The following PTPRF variants were observed in gnomAD, a reference collection of about 807,000 sequenced individuals.
The protein encoded by PTPRF is receptor-type tyrosine-protein phosphatase F.
In PTPRF, 59 loss-of-function variants were observed where a neutral mutation model predicts 201.8. The ratio of observed to expected loss-of-function variants is 0.29; its 90% CI spans 0.24 to 0.36. PTPRF has a LOEUF of 0.36. Among genes scored for constraint, PTPRF ranks in the 10% least tolerant of loss-of-function variants. The probability of loss-of-function intolerance (pLI) is 1.00; values close to 1 mark genes in which losing one functional copy is unlikely to be tolerated. For synonymous variants in PTPRF, 1,088 were observed against 1,089.7 expected, an observed-to-expected ratio of 1.00 and a Z score of 0.03; for missense variants, 2,132 against 2,690.5, an observed-to-expected ratio of 0.79 and a Z score of 4.59.
chr1:43,605,508 A>T (rs765480744), intron 18 of PTPRF, 21 bp from the exon 19 acceptor site: 1 of 1,613,970 alleles, frequency 6.2e-7, no homozygotes, highest in Non-Finnish European at 8.5e-7. Context: ...GACAGTCCTG[A>T]TTCCTGCCCT....
At chr1:43,568,650 C>G (rs1646354249) in intron 5 of PTPRF, among the ~76,000 whole-genome samples, 1 of 152,184 alleles carries the variant, frequency 6.6e-6, no homozygotes, top group Admixed American at 6.5e-5. Context: ...TAGTCCTGAG[C>G]CTGTCCTGGA....
rs376237186 is a variant in PTPRF, at chr1:43,541,336, G to T, written c.-46+3059G>T. Among the ~76,000 whole-genome samples the T allele has an allele frequency of 3.4e-4, 52 of 152,364 alleles. No homozygotes were observed. The East Asian group carries it at 7.5e-3, about 22-fold the overall frequency. On this transcript the variant is annotated intron_variant, in intron 2 of 33. Coordinates refer to ENST00000359947, the MANE Select transcript of PTPRF (RefSeq NM_002840.5). ...TCCCAGCTGTTCTCCAGCCAGGGAA[G>T]CCCCCATCACATGGTCCCTTGGGCC...
At chr1:43,594,637 C>T (rs1401824813) in intron 11 of PTPRF, among the ~76,000 whole-genome samples, 1 of 152,068 alleles carries the variant, frequency 6.6e-6, no homozygotes, top group Non-Finnish European at 1.5e-5. Context: ...GGGATGCTGA[C>T]TGGTCAGACT....
At chr1:43,586,859 G>C (rs547810752) in intron 7 of PTPRF, among the ~76,000 whole-genome samples, 1 of 152,300 alleles carries the variant, frequency 6.6e-6, no homozygotes. Context: ...TAGTTTCTGC[G>C]GAAGTCCAAA....
intron 3 of PTPRF, among the ~76,000 whole-genome samples, chr1:43,550,295 C>A (rs973090307): frequency 6.6e-6 from 1 of 152,230 alleles, no homozygotes; most frequent in African/African-American, 2.4e-5. Context: ...CGGTGACCCA[C>A]ACCTGGCTCT....
intron 13 of PTPRF, among the ~76,000 whole-genome samples, chr1:43,601,618 G>A (rs1050036495): frequency 6.6e-6 from 1 of 152,208 alleles, no homozygotes; most frequent in African/African-American, 2.4e-5. Context: ...CAATTCCATG[G>A]CAACAAGCAC....
intron 5 of PTPRF, among the ~76,000 whole-genome samples, chr1:43,562,173 A>G (rs1645850483): frequency 6.6e-6 from 1 of 152,058 alleles, no homozygotes; most frequent in Admixed American, 6.5e-5. Flanking sequence ...CGGTGGCACA[A>G]TCTCAGCTCA....
At chr1:43,581,074 C>T (rs933934456) in intron 7 of PTPRF, among the ~76,000 whole-genome samples, 2 of 152,238 alleles carry the variant, frequency 1.3e-5, no homozygotes, top group Non-Finnish European at 2.9e-5. Context: ...CTGAGCTCAG[C>T]TGCTGTAGCT....
rs144922906 is a variant in PTPRF, at chr1:43,605,434, C to T, written c.3380C>T (p.Ser1127Leu). Residue 1127 changes from serine (S) to leucine (L), a missense_variant, in exon 18 of 34, where the codon TCG becomes TTG. Physicochemically the swap from Ser to Leu is moderately radical, Grantham distance 145 (BLOSUM62 -2). Coordinates refer to ENST00000359947, the MANE Select transcript of PTPRF (RefSeq NM_002840.5). ...DLSMPHVQDPSLVRWFYIVVV... is the reference protein window; with the variant it reads ...DLSMPHVQDPLLVRWFYIVVV... ...TCCATGCCCCATGTGCAAGACCCCT[C>T]GCTTGTCAGGTGTGCACACGAGGTA... The T allele has an allele frequency of 1.8e-4, 286 of 1,608,970 alleles. No individual in the cohort carries two copies. Among genetic ancestry groups the T allele is most frequent in the Non-Finnish European group, 2.0e-4 (233 of 1,175,902 alleles).
chr1:43,553,218 C>T lies in PTPRF; in HGVS notation c.92-274C>T, dbSNP rs1645141721. ...CACCTGGGTTCAGATCTTAGCTCTA[C>T]CACTTACCAGCTGTGTCATATGGGA... On this transcript the variant is annotated intron_variant, in intron 3 of 33. Coordinates refer to ENST00000359947, the MANE Select transcript of PTPRF (RefSeq NM_002840.5). This position sits in a 1 kb window ranked among gnomAD's most constrained non-coding sequence, Gnocchi z 4.1. Among the ~76,000 whole-genome samples, 1 of 152,204 alleles carries T rather than the reference C, an allele frequency of 6.6e-6. No individual in the cohort carries two copies. The highest frequency in any genetic ancestry group is 1.5e-5 in the Non-Finnish European group (1 of 68,036).
upstream of PTPRF, chr1:43,528,424 C>T (rs999231029): frequency 5.9e-5 from 9 of 152,138 alleles, no homozygotes; most frequent in African/African-American, 1.7e-4. Flanking sequence ...CTCCTGACCT[C>T]GGGTGATCTG....
chr1:43,553,505 C>G lies in PTPRF; in HGVS notation c.105C>G (p.Phe35Leu). 6.2e-7 allele frequency: 1 copy of G among 1,614,072 alleles called. No homozygotes were observed. The highest frequency in any genetic ancestry group is 8.5e-7 in the Non-Finnish European group (1 of 1,179,948). The change falls in exon 4 of 34, where the codon TTC (phenylalanine) becomes TTG (leucine). Residue 35 changes from phenylalanine to leucine, a missense_variant. This residue lies in a region of PTPRF where 297 missense variants were observed against 454.0 expected (regional missense o/e 0.65). Transcript: ENST00000359947. This position sits in a 1 kb window ranked among gnomAD's most constrained non-coding sequence, Gnocchi z 4.1. The stretch of plus-strand genomic sequence containing the variant: ...CATCTCTTCCAGGCAAACCTGTCTT[C>G]ATTAAAGTCCCTGAGGACCAGACTG... Reference protein sequence around the residue: ...AGAHGDSKPVFIKVPEDQTGL... With the variant: ...AGAHGDSKPVLIKVPEDQTGL...
At chr1:43,598,685 C>T (rs1457405071) in intron 12 of PTPRF, 35 bp from the exon 13 acceptor site, 1 of 1,595,942 alleles carries the variant, frequency 6.3e-7, no homozygotes, top group Non-Finnish European at 8.6e-7. Context: ...GTTGATACCT[C>T]CAGGCCTGAC....
rs1012660995 is a variant in PTPRF, at chr1:43,618,687, G to A, written c.4429G>A (p.Val1477Met). 1.2e-6 allele frequency: 2 copies of A among 1,612,922 alleles called. No homozygotes were observed. Among genetic ancestry groups the A allele is most frequent in the Non-Finnish European group, 1.7e-6 (2 of 1,179,024 alleles). The change falls in exon 26 of 34, where the codon GTG becomes ATG. Residue 1477 changes from valine to methionine, a missense_variant. Val to Met is a conservative substitution (Grantham distance 21). Around this residue, in one of 6 missense-constraint regions of PTPRF, gnomAD observed 519 missense variants for 659.5 expected, o/e 0.79. Transcript: ENST00000359947. ...CACCGAGACCTGTGGCCTTATTCAG[G>A]TGACCCTGTTGGACACAGTGGAGCT... ...RGTETCGLIQVTLLDTVELAT... is the reference protein window; with the variant it reads ...RGTETCGLIQMTLLDTVELAT...
At chr1:43,606,570 G>A (rs1344284385) in intron 20 of PTPRF, 112 bp downstream of exon 20, 57 of 1,177,576 alleles carry the variant, frequency 4.8e-5, no homozygotes, top group Non-Finnish European at 5.5e-5. Flanking sequence ...TGGGGGCTTC[G>A]AGATCCTGGG....
At chr1:43,557,720 G>A (rs1331162297) in intron 5 of PTPRF, among the ~76,000 whole-genome samples, 1 of 152,148 alleles carries the variant, frequency 6.6e-6, no homozygotes, top group African/African-American at 2.4e-5. Context: ...CGCTTCTGGG[G>A]TGTGAGAAGT....
intron 2 of PTPRF, among the ~76,000 whole-genome samples, chr1:43,540,757 A>T (rs1644311315): frequency 6.6e-6 from 1 of 152,156 alleles, no homozygotes; most frequent in Non-Finnish European, 1.5e-5. Flanking sequence ...GGCTCTGCTC[A>T]CGGATTCTGG....
At chr1:43,587,272 A>C (rs1051892072) in intron 7 of PTPRF, among the ~76,000 whole-genome samples, 5 of 152,184 alleles carry the variant, frequency 3.3e-5, no homozygotes, top group Admixed American at 3.3e-4. Flanking sequence ...GAATTGGGGC[A>C]GTGGACAACA....
chr1:43,581,094 G>T (rs910891433), intron 7 of PTPRF, among the ~76,000 whole-genome samples: 2 of 152,238 alleles, frequency 1.3e-5, no homozygotes, highest in African/African-American at 4.8e-5. Context: ...TGGCAGCTCA[G>T]TCACTGCCCA....
Sources: gnomAD v4.1 joint callset for allele counts (sites outside exome capture counted in the v4.1 genomes callset) on GRCh38, gnomAD v4.1.1 for gene constraint, gnomAD v4.1.1 regional missense constraint, Gnocchi (gnomAD v3.1) non-coding constraint, MANE v1.5 for transcripts, NCBI Gene and HGNC (gene_info 2026-07-23, HGNC 2026-07-21) for gene names.